The following ANO3 variants were observed in gnomAD, a reference collection of about 807,000 sequenced individuals.
The protein encoded by ANO3 is anoctamin-3.
A neutral mutation model predicts 144.8 loss-of-function variants in ANO3; 99 were observed. The ratio of observed to expected loss-of-function variants is 0.68; its 90% CI spans 0.58 to 0.81. The LOEUF is 0.81. Ranked by LOEUF, ANO3 falls within the 30% of genes least tolerant of loss-of-function variation. The pLI is 0.00. For synonymous variants in ANO3, 414 were observed against 392.6 expected (o/e 1.05, Z -0.64); for missense variants, 905 against 1,202.2 (o/e 0.75, Z 3.66).
At chr11:26,477,512 T>C (rs962943778) in intron 4 of ANO3, among the ~76,000 whole-genome samples, 12 of 152,170 alleles carry the variant, frequency 7.9e-5, no homozygotes, top group African/African-American at 2.9e-4. Context: ...TTTGCTCTCA[T>C]AGCACTTGCA....
intron 14 of ANO3, among the ~76,000 whole-genome samples, chr11:26,596,499 C>T (rs1851632798): frequency 6.6e-6 from 1 of 152,150 alleles, no homozygotes; most frequent in African/African-American, 2.4e-5. Context: ...CACATAACTG[C>T]CCATGTCGAG....
At chr11:26,309,868 C>T (rs753141142) in intron 1 of ANO3, 1 of 184,730 alleles carries the variant, frequency 5.4e-6, no homozygotes, top group Non-Finnish European at 1.0e-5. Flanking sequence ...ACATTTAGCT[C>T]ATCATGCACT....
At chr11:26,234,706 G>A (rs1852476816) in intron 1 of ANO3, among the ~76,000 whole-genome samples, 1 of 152,100 alleles carries the variant, frequency 6.6e-6, no homozygotes, top group East Asian at 1.9e-4. Context: ...AGAAGGTATT[G>A]AAGTAAATAG....
chr11:26,395,562 G>T (rs1430511913), intron 1 of ANO3, among the ~76,000 whole-genome samples: 1 of 152,048 alleles, frequency 6.6e-6, no homozygotes, highest in Non-Finnish European at 1.5e-5. Context: ...GTTCACTCAG[G>T]ATTTGGCTCT....
At chr11:26,383,213 T>C (rs1371878082) in intron 1 of ANO3, among the ~76,000 whole-genome samples, 1 of 152,144 alleles carries the variant, frequency 6.6e-6, no homozygotes, top group Non-Finnish European at 1.5e-5. Context: ...ATATTAATAA[T>C]AAAAATTAGC....
chr11:26,219,618 G>C (rs1444045412), intron 1 of ANO3, among the ~76,000 whole-genome samples: 1 of 152,118 alleles, frequency 6.6e-6, no homozygotes, highest in Non-Finnish European at 1.5e-5. Flanking sequence ...CACCTAACCA[G>C]TTACTCAAAA....
rs111883923 is a variant in ANO3, at chr11:26,460,578, G to C, written c.314-2452G>C. 7.6e-3 allele frequency among the ~76,000 whole-genome samples: 1,149 copies of C among 152,184 alleles called. 10 individuals are homozygous for C. The highest frequency in any genetic ancestry group is 0.026 in the African/African-American group (1,072 of 41,546). On this transcript the variant is annotated intron_variant, in intron 3 of 26. Transcript: ENST00000256737. ...AGCGCTGTAGGGTAGGGGAAAAAAA[G>C]ATCTGAAAAGACTTCATAAATGTGG... is the stretch of plus-strand genomic sequence containing the variant.
chr11:26,283,990 G>A (rs1438675888), intron 1 of ANO3, among the ~76,000 whole-genome samples: 1 of 152,196 alleles, frequency 6.6e-6, no homozygotes, highest in Admixed American at 6.5e-5. Flanking sequence ...GAGACTTGCA[G>A]TATTTGACCC....
intron 20 of ANO3, among the ~76,000 whole-genome samples, chr11:26,638,198 T>G (rs976083711): frequency 2.5e-4 from 38 of 152,102 alleles, no homozygotes; most frequent in Middle Eastern, 3.4e-3. Flanking sequence ...ACTTAGTGGC[T>G]CCCTTCTAAA....
At chr11:26,245,587 A>G (rs1396369721) in intron 1 of ANO3, among the ~76,000 whole-genome samples, 2 of 152,226 alleles carry the variant, frequency 1.3e-5, no homozygotes, top group South Asian at 2.1e-4. Context: ...GTTAATATAC[A>G]TAGGAATATT....
At chr11:26,658,140 G>C (rs1278809256) in intron 26 of ANO3, among the ~76,000 whole-genome samples, 2 of 64,474 alleles carry the variant, frequency 3.1e-5, no homozygotes, top group Non-Finnish European at 8.7e-5. Flanking sequence ...GTAAGAGATA[G>C]GGGTCTAGTT....
chr11:26,429,295 G>A (rs951818056), intron 1 of ANO3, among the ~76,000 whole-genome samples: 2 of 152,008 alleles, frequency 1.3e-5, no homozygotes, highest in Non-Finnish European at 2.9e-5. Flanking sequence ...AAGCAAACCC[G>A]TTTCTTCCTA....
chr11:26,515,451 T>C (rs1401320203), intron 5 of ANO3, among the ~76,000 whole-genome samples: 1 of 151,938 alleles, frequency 6.6e-6, no homozygotes, highest in East Asian at 1.9e-4. Context: ...TAATACTCTA[T>C]GGAAAGGGTA....
At chr11:26,410,934 G>A (rs1385926483) in intron 1 of ANO3, among the ~76,000 whole-genome samples, 2 of 151,990 alleles carry the variant, frequency 1.3e-5, no homozygotes, top group Admixed American at 6.6e-5. Context: ...GTCAGAAGCC[G>A]CTTTGTCTTT....
chr11:26,378,256 A>G (rs1856468142), intron 1 of ANO3, among the ~76,000 whole-genome samples: 1 of 150,792 alleles, frequency 6.6e-6, no homozygotes. Flanking sequence ...GCCTCACAGT[A>G]CTGAGGAAGT....
At position 26,462,949 on chromosome 11, in the gene ANO3, G is replaced by C. The variant is rs7942432; in HGVS notation, c.314-81G>C. The C allele has an allele frequency of 0.17, 107,972 of 620,540 alleles. 10,063 individuals are homozygous for C. The highest frequency in any genetic ancestry group is 0.29 in the South Asian group (8,162 of 27,710). 38.4% of individuals were successfully genotyped at this position (620,540 alleles called of 1,614,324 possible). Reference sequence around the variant, plus strand: ...TATAGGCTAAACTCTGGGAAAACATGAAAGAGGAGAGATTAGTATGTTTAA... The same window carrying C: ...TATAGGCTAAACTCTGGGAAAACATCAAAGAGGAGAGATTAGTATGTTTAA... On this transcript the variant is annotated intron_variant, in intron 3 of 26. Transcript: ENST00000256737.
intron 11 of ANO3, among the ~76,000 whole-genome samples, chr11:26,545,567 A>G (rs1273587707): frequency 6.6e-6 from 1 of 152,056 alleles, no homozygotes; most frequent in Non-Finnish European, 1.5e-5. Context: ...CACAATAGGT[A>G]TTGGAGACAT....
In ANO3 at chr11:26,442,090, C is replaced by T; in HGVS notation, c.219C>T (p.Ile73=). Reference sequence around the variant, plus strand: ...AGGCTCCCACATCTATAACCTTAATCTCCACTGACAAAGCAGAGCAAGGTG... The same window carrying T: ...AGGCTCCCACATCTATAACCTTAATTTCCACTGACAAAGCAGAGCAAGGTG... The part of the protein sequence containing the change: ...ESQAPTSITL[I]STDKAEQVNT... The change falls in exon 2 of 27, where the codon ATC becomes ATT. Residue 73 remains isoleucine, a synonymous_variant. Coordinates refer to ENST00000256737, the MANE Select transcript of ANO3 (RefSeq NM_031418.4). 1 of 1,613,466 alleles carries T rather than the reference C, an allele frequency of 6.2e-7. No individual in the cohort carries two copies. The highest frequency in any genetic ancestry group is 8.5e-7 in the Non-Finnish European group (1 of 1,179,896).
chr11:26,233,995 G>A (rs574295650), intron 1 of ANO3, among the ~76,000 whole-genome samples: 5 of 71,492 alleles, frequency 7.0e-5, no homozygotes, highest in Non-Finnish European at 7.7e-5. Context: ...TAATGTATGC[G>A]GGGGGCTGAA....
Sources: allele counts gnomAD v4.1 joint callset (sites outside exome capture counted in the v4.1 genomes callset), GRCh38; gene constraint gnomAD v4.1.1; transcripts MANE v1.5; gene names NCBI Gene and HGNC (gene_info 2026-07-23, HGNC 2026-07-21).